The following MIB1 variants were observed in gnomAD, a reference collection of about 807,000 sequenced individuals.
MIB1 encodes the protein E3 ubiquitin-protein ligase MIB1.
MIB1 carries 278 observed loss-of-function variants against 124.5 expected under a neutral mutation model. That is an observed-to-expected ratio of 2.23 (90% confidence interval 2.02 to 2.47). The LOEUF is 2.47. Among genes scored for constraint, MIB1 ranks in the 30% most tolerant of loss-of-function variants. The pLI, the probability that MIB1 is intolerant of heterozygous loss-of-function variation, is 0.00. For missense variants in MIB1, 957 were observed against 1,254.4 expected (o/e 0.76, Z 3.58); for synonymous variants, 446 against 429.4 (o/e 1.04, Z -0.48).
intron 1 of MIB1, among the ~76,000 whole-genome samples, chr18:21,724,727 A>AAAATATATATAT (rs1350936232): frequency 1.2e-4 from 2 of 17,374 alleles, no homozygotes; most frequent in African/African-American, 1.8e-4. Flanking sequence ...AAAAAAAAAA[A>AAAATATATATAT]ATATATATAT....
At position 21,768,715 on chromosome 18, in the gene MIB1, G is replaced by A. The variant is rs766964576; in HGVS notation, c.494G>A (p.Trp165Ter). ...GTGGTGCGAGGAGTGGACTGGCAGTGGGAAGATCAAGATGGAGGAAATGGA... is the reference window on the plus strand; with the variant it reads ...GTGGTGCGAGGAGTGGACTGGCAGTAGGAAGATCAAGATGGAGGAAATGGA... Reference protein sequence around the residue: ...ARVVRGVDWQWEDQDGGNGRR... With the variant: ...ARVVRGVDWQ The change falls in exon 3 of 21, where the codon TGG (tryptophan) becomes TAG (stop). Residue 165 changes from tryptophan to a stop codon, truncating the protein, a stop_gained. Coordinates refer to ENST00000261537, the MANE Select transcript of MIB1 (RefSeq NM_020774.4). LOFTEE classifies it high-confidence loss of function. 1.2e-6 allele frequency: 2 copies of A among 1,611,140 alleles called. No homozygotes were observed. Among genetic ancestry groups the A allele is most frequent in the Non-Finnish European group, 8.5e-7 (1 of 1,178,580 alleles).
At chr18:21,812,381 G>C (rs1178409176) in intron 10 of MIB1, 1 of 152,154 alleles carries the variant, frequency 6.6e-6, no homozygotes, top group African/African-American at 2.4e-5. Flanking sequence ...CATAAAATTT[G>C]TGTTTTACAG....
chr18:21,792,745 A>G (rs1173436132), intron 7 of MIB1, among the ~76,000 whole-genome samples: 2 of 152,206 alleles, frequency 1.3e-5, no homozygotes, highest in African/African-American at 4.8e-5. Flanking sequence ...AAAGATGAGG[A>G]AATCAGAGGT....
intron 19 of MIB1, 60 bp downstream of exon 19, chr18:21,857,303 CCT>C: frequency 9.8e-7 from 1 of 1,016,188 alleles, no homozygotes; most frequent in Non-Finnish European, 1.6e-6. Context: ...TGCATAAACA[CCT>C]CTTCTCTTTC....
At chr18:21,742,957 T>C (rs1451396740) in intron 1 of MIB1, among the ~76,000 whole-genome samples, 5 of 152,218 alleles carry the variant, frequency 3.3e-5, no homozygotes, top group Non-Finnish European at 7.3e-5. Context: ...AAAAAAATTT[T>C]TGTTTTAGAG....
intron 1 of MIB1, among the ~76,000 whole-genome samples, chr18:21,719,351 C>CT (rs2040703795): frequency 1.3e-5 from 2 of 152,040 alleles, no homozygotes; most frequent in East Asian, 3.9e-4. Context: ...AAAAAAAGGA[C>CT]CATATGAAAT....
chr18:21,799,887 T>A lies in MIB1; in HGVS notation c.1284T>A (p.Ser428=). 6.2e-7 allele frequency: 1 copy of A among 1,612,406 alleles called. No homozygotes were observed. The change falls in exon 9 of 21, where the codon TCT becomes TCA. Residue 428 remains serine, a synonymous_variant. Transcript: ENST00000261537. ...LLKKLFETQE[S]GDLNEELVKA... ...AGAAATTATTTGAAACCCAAGAATC[T>A]GGTGACCTCAATGAAGAATTAGTTA...
At chr18:21,740,383 TA>T (rs2040831149), upstream of MIB1, among the ~76,000 whole-genome samples, 1 of 152,246 alleles carries the variant, frequency 6.6e-6, no homozygotes, top group Non-Finnish European at 1.5e-5. Flanking sequence ...CTGTTCAGCT[TA>T]AAAACACACT....
At chr18:21,836,278 T>G (rs989414856) in intron 12 of MIB1, among the ~76,000 whole-genome samples, 1 of 150,880 alleles carries the variant, frequency 6.6e-6, no homozygotes, top group African/African-American at 2.4e-5. Flanking sequence ...AAAAGGTTTT[T>G]TTTTTTTTTT....
chr18:21,734,543 C>G (rs2040787288), intron 1 of MIB1, among the ~76,000 whole-genome samples: 1 of 145,420 alleles, frequency 6.9e-6, no homozygotes, highest in Admixed American at 6.9e-5. Flanking sequence ...CTCTTTCTTT[C>G]TTTCTCACAG....
At chr18:21,709,064 C>T (rs1182175018) in intron 1 of MIB1, among the ~76,000 whole-genome samples, 1 of 152,150 alleles carries the variant, frequency 6.6e-6, no homozygotes, top group Non-Finnish European at 1.5e-5. Flanking sequence ...CGCCTGTAAT[C>T]CCAGCACTTT....
chr18:21,847,279 G>A (rs2042143336), intron 16 of MIB1, among the ~76,000 whole-genome samples, 154 bp downstream of exon 16: 1 of 152,090 alleles, frequency 6.6e-6, no homozygotes, highest in African/African-American at 2.4e-5. Flanking sequence ...TTTCTTCCTT[G>A]AAAATTTTTC....
rs1285197523 is a variant in MIB1 at position 21,838,480 on chromosome 18, G to T, written c.1945G>T (p.Glu649Ter). The T allele has an allele frequency of 6.2e-7, 1 of 1,604,392 alleles. No homozygotes were observed. Among genetic ancestry groups the T allele is most frequent in the South Asian group, 1.1e-5 (1 of 88,186 alleles). ...AALNNHVEVA[E>*]LLVHQGNANL... is the part of the protein sequence containing the mutation. ...CCTTAATAATCACGTAGAAGTGGCT[G>T]AACTGTTGGTACATCAGGTAAGAAA... is the stretch of plus-strand genomic sequence containing the variant. The change falls in exon 13 of 21, where the codon GAA (glutamate) becomes TAA (stop). Residue 649 changes from glutamate (E) to a stop codon, truncating the protein, a stop_gained. Transcript: ENST00000261537. LOFTEE classifies it high-confidence loss of function.
intron 1 of MIB1, among the ~76,000 whole-genome samples, chr18:21,726,018 C>A (rs1435139365): frequency 6.6e-6 from 1 of 152,134 alleles, no homozygotes; most frequent in African/African-American, 2.4e-5. Flanking sequence ...GTGGAGTGGT[C>A]ATATGAAACA....
At chr18:21,757,807 A>T (rs1014410106) in intron 1 of MIB1, among the ~76,000 whole-genome samples, 2 of 152,092 alleles carry the variant, frequency 1.3e-5, no homozygotes, top group African/African-American at 4.8e-5. Context: ...ATTTTAAAAT[A>T]TGTCTGAGAT....
At chr18:21,739,196 A>G (rs377494168), upstream of MIB1, among the ~76,000 whole-genome samples, 315 of 152,326 alleles carry the variant, frequency 2.1e-3, 2 homozygotes, top group African/African-American at 7.4e-3. Flanking sequence ...GAAGAAATGG[A>G]TAAATTCCTG....
intron 11 of MIB1, among the ~76,000 whole-genome samples, chr18:21,816,249 G>A (rs541856027): frequency 6.6e-6 from 1 of 152,296 alleles, no homozygotes; most frequent in South Asian, 2.1e-4. Context: ...TTTGGAAAAT[G>A]TATAGGATTT....
intron 12 of MIB1, among the ~76,000 whole-genome samples, chr18:21,835,630 G>T (rs1464961023): frequency 6.6e-6 from 1 of 151,772 alleles, no homozygotes; most frequent in Non-Finnish European, 1.5e-5. Context: ...AATTAGCCGG[G>T]CCTGGTGGTG....
At chr18:21,776,866 A>G (rs1440085433) in intron 4 of MIB1, among the ~76,000 whole-genome samples, 2 of 152,114 alleles carry the variant, frequency 1.3e-5, no homozygotes, top group East Asian at 1.9e-4. Context: ...ATTCCCAGCT[A>G]CTGGGGAGGC....
Sources: allele counts gnomAD v4.1 joint callset (sites outside exome capture counted in the v4.1 genomes callset), GRCh38; gene constraint gnomAD v4.1.1; transcripts MANE v1.5; gene names NCBI Gene and HGNC (gene_info 2026-07-23, HGNC 2026-07-21).